Variants in CENPU observed in about 807,000 individuals in gnomAD.
CENPU encodes centromere protein U, also known as KSHV latent nuclear antigen interacting protein 1.
A neutral mutation model predicts 56.7 loss-of-function variants in CENPU; 46 were observed. The ratio of observed to expected loss-of-function variants is 0.81; its 90% confidence interval spans 0.64 to 1.04. The LOEUF (loss-of-function observed/expected upper bound fraction) is 1.04, where lower values mean the gene tolerates loss of function less well. CENPU is among the 50% of genes least tolerant of loss of function. The pLI, the probability that CENPU is intolerant of heterozygous loss-of-function variation, is 0.00. For synonymous variants in CENPU, 166 were observed against 163.0 expected (o/e 1.02, Z -0.14); for missense variants, 510 against 490.1 (o/e 1.04, Z -0.38).
chr4:184,732,035 T>C (rs933485871), intron 1 of CENPU, among the ~76,000 whole-genome samples: 1 of 152,066 alleles, frequency 6.6e-6, no homozygotes, highest in African/African-American at 2.4e-5. Flanking sequence ...CATAATCTAA[T>C]CTACAGTCCA....
intron 4 of CENPU, among the ~76,000 whole-genome samples, chr4:184,722,557 T>C (rs1158292566): frequency 6.6e-6 from 1 of 151,856 alleles, no homozygotes; most frequent in Non-Finnish European, 1.5e-5. Context: ...GGAGATGTCT[T>C]CCTATGACTC....
chr4:184,701,266 TTTA>T (rs1253192718), intron 10 of CENPU, among the ~76,000 whole-genome samples: 1 of 152,190 alleles, frequency 6.6e-6, no homozygotes, highest in Non-Finnish European at 1.5e-5. Flanking sequence ...TATTTCATAT[TTTA>T]TTATCTCGGA....
chr4:184,712,669 T>C (rs551458383), intron 7 of CENPU, among the ~76,000 whole-genome samples: 1 of 152,350 alleles, frequency 6.6e-6, no homozygotes, highest in South Asian at 2.1e-4. Context: ...CTTTACTACC[T>C]ATCTAATAAA....
At chr4:184,707,100 A>C (rs1248022164) in intron 8 of CENPU, among the ~76,000 whole-genome samples, 1 of 151,258 alleles carries the variant, frequency 6.6e-6, no homozygotes, top group Non-Finnish European at 1.5e-5. Context: ...CTGGAATATA[A>C]AGAAGAGTAA....
chr4:184,730,390 A>C (rs886313840), intron 2 of CENPU, among the ~76,000 whole-genome samples: 2 of 151,876 alleles, frequency 1.3e-5, no homozygotes, highest in African/African-American at 4.8e-5. Flanking sequence ...AGGGCAGAAC[A>C]AGCAGAAGGA....
intron 4 of CENPU, among the ~76,000 whole-genome samples, chr4:184,722,310 A>G (rs1012566464): frequency 6.6e-6 from 1 of 152,184 alleles, no homozygotes; most frequent in Non-Finnish European, 1.5e-5. Flanking sequence ...TAAATAACCT[A>G]ATGATGCATC....
At chr4:184,721,457 TA>T (rs138476894) in intron 4 of CENPU, among the ~76,000 whole-genome samples, 47 of 74,572 alleles carry the variant, frequency 6.3e-4, no homozygotes, top group African/African-American at 3.1e-3. Flanking sequence ...TGGCTGATTG[TA>T]AAAAAAAAAA....
At chr4:184,713,444 T>A (rs141121333) in intron 6 of CENPU, among the ~76,000 whole-genome samples, 1 of 152,190 alleles carries the variant, frequency 6.6e-6, no homozygotes, top group African/African-American at 2.4e-5. Flanking sequence ...TAAAACAGAT[T>A]AGTTACATAA....
At chr4:184,732,074 T>C (rs147603179) in intron 1 of CENPU, among the ~76,000 whole-genome samples, 1 of 152,262 alleles carries the variant, frequency 6.6e-6, no homozygotes, top group East Asian at 1.9e-4. Flanking sequence ...TGTCCTATAA[T>C]GTCTTTTAAG....
chr4:184,702,321 G>C (rs1760561641), intron 9 of CENPU, 42 bp downstream of exon 9: 1 of 1,574,064 alleles, frequency 6.4e-7, no homozygotes, highest in Admixed American at 1.7e-5. Flanking sequence ...CAGGATTAGT[G>C]AAAAAAACCT....
At chr4:184,723,571 C>T (rs549507912) in intron 4 of CENPU, among the ~76,000 whole-genome samples, 3 of 152,272 alleles carry the variant, frequency 2.0e-5, no homozygotes, top group South Asian at 4.1e-4. Context: ...CAGCCAGGCA[C>T]GGTGGCTAAC....
intron 8 of CENPU, among the ~76,000 whole-genome samples, chr4:184,704,107 G>T (rs764197304): frequency 3.3e-5 from 5 of 151,384 alleles, no homozygotes; most frequent in Non-Finnish European, 7.4e-5. Context: ...TTGAGATAAG[G>T]TCTCACTCTG....
At chr4:184,699,255 G>A (rs759392718) in intron 11 of CENPU, among the ~76,000 whole-genome samples, 9 of 152,040 alleles carry the variant, frequency 5.9e-5, no homozygotes, top group Non-Finnish European at 1.3e-4. Flanking sequence ...GCGCGAACCC[G>A]GGAGGCGGAG....
chr4:184,697,762 T>G lies in CENPU; in HGVS notation c.1028A>C (p.Glu343Ala). The G allele has an allele frequency of 6.2e-7, 1 of 1,610,160 alleles. No homozygotes were observed. Among genetic ancestry groups the G allele is most frequent in the South Asian group, 1.1e-5 (1 of 90,466 alleles). The change falls in exon 12 of 13, where the codon GAA becomes GCA. Residue 343 changes from glutamate to alanine, a missense_variant. Coordinates refer to ENST00000281453, the MANE Select transcript of CENPU (RefSeq NM_024629.4). ...QLKQLQTKYD[E>A]LKERKSSLRN... ...AAGGGAAGACTTTCTCTCTTTAAGT[T>G]CATCATATTTTGTTTGTAGTTGTTT... is the stretch of plus-strand genomic sequence containing the variant.
chr4:184,715,823 TTAAAG>T (rs1761072332), intron 6 of CENPU, among the ~76,000 whole-genome samples: 1 of 152,194 alleles, frequency 6.6e-6, no homozygotes, highest in Non-Finnish European at 1.5e-5. Flanking sequence ...CTTAGGGTAA[TTAAAG>T]CTCACTGAAA....
intron 11 of CENPU, 74 bp from the exon 12 acceptor site, chr4:184,697,877 G>C: frequency 8.4e-7 from 1 of 1,197,190 alleles, no homozygotes; most frequent in Non-Finnish European, 1.2e-6. Flanking sequence ...TAAGTACGCT[G>C]AGCGAGTGTG....
At chr4:184,722,214 C>G (rs1761304941) in intron 4 of CENPU, among the ~76,000 whole-genome samples, 1 of 151,962 alleles carries the variant, frequency 6.6e-6, no homozygotes. Flanking sequence ...CACAACATAC[C>G]AAAACCTATG....
intron 6 of CENPU, 29 bp downstream of exon 6, chr4:184,716,368 C>T: frequency 6.7e-7 from 1 of 1,489,060 alleles, no homozygotes. Flanking sequence ...ACTTTTTTTG[C>T]CCTCCTAGGG....
At chr4:184,711,962 A>C (rs1320988600) in intron 7 of CENPU, among the ~76,000 whole-genome samples, 1 of 152,036 alleles carries the variant, frequency 6.6e-6, no homozygotes, top group Non-Finnish European at 1.5e-5. Flanking sequence ...CTCTACTAAA[A>C]TACAAAAAAT....
Sources: allele counts gnomAD v4.1 joint callset (sites outside exome capture counted in the v4.1 genomes callset), GRCh38; gene constraint gnomAD v4.1.1; transcripts MANE v1.5; gene names NCBI Gene and HGNC (gene_info 2026-07-23, HGNC 2026-07-21).